The following C1orf141 variants were observed in gnomAD, a reference collection of about 807,000 sequenced individuals.
The protein encoded by C1orf141 is uncharacterized protein C1orf141.
In C1orf141, 19 loss-of-function variants were observed where a neutral mutation model predicts 23.2. The ratio of observed to expected loss-of-function variants is 0.82; its 90% CI spans 0.57 to 1.20. The LOEUF is 1.20. C1orf141 is among the 50% of genes most tolerant of loss of function. C1orf141 has a pLI of 0.00. For missense variants in C1orf141, 469 were observed against 455.1 expected (o/e 1.03, Z -0.28); for synonymous variants, 153 against 154.6 (o/e 0.99, Z 0.08).
At chr1:67,139,916 A>G (rs1254810597), upstream of C1orf141, among the ~76,000 whole-genome samples, 1 of 152,180 alleles carries the variant, frequency 6.6e-6, no homozygotes, top group Non-Finnish European at 1.5e-5. Context: ...ATGGGTTAAC[A>G]GATTAATGGA....
chr1:67,134,567 C>T (rs899260425), intron 1 of C1orf141, among the ~76,000 whole-genome samples: 1 of 152,232 alleles, frequency 6.6e-6, no homozygotes, highest in Admixed American at 6.5e-5. Flanking sequence ...CACCTTCCCC[C>T]AGGTGCCTCC....
rs200273637 is a variant in C1orf141 at position 67,129,010 on chromosome 1, C to CT, written c.-17-1754dup. On this transcript the variant is annotated intron_variant, in intron 2 of 7. Coordinates refer to ENST00000684719, the MANE Select transcript of C1orf141 (RefSeq NM_001276351.2). ...TTATTTTGTAATTGGTTTCCTTCAG[C>CT]TTTTTTTTTACTCTTTTTTCCTTCA... 1.3e-4 allele frequency among the ~76,000 whole-genome samples: 19 copies of CT among 151,290 alleles called. No homozygotes were observed. In the East Asian group the frequency reaches 1.9e-3, roughly 15 times the overall value.
upstream of C1orf141, among the ~76,000 whole-genome samples, chr1:67,137,691 G>A (rs768795126): frequency 2.0e-5 from 3 of 152,164 alleles, no homozygotes; most frequent in Non-Finnish European, 4.4e-5. Flanking sequence ...GGCAAATAAA[G>A]CTCTTTCTAT....
At chr1:67,140,022 C>T (rs537604367) in intron 1 of C1orf141, among the ~76,000 whole-genome samples, 1 of 152,272 alleles carries the variant, frequency 6.6e-6, no homozygotes, top group South Asian at 2.1e-4. Flanking sequence ...CCTGTGCCAC[C>T]GTGGGACTCT....
At chr1:67,113,046 C>A (rs982978659) in intron 5 of C1orf141, among the ~76,000 whole-genome samples, 9 of 152,210 alleles carry the variant, frequency 5.9e-5, no homozygotes, top group African/African-American at 2.4e-5. Flanking sequence ...GTGGCACCAT[C>A]TCAGTTCACT....
intron 7 of C1orf141, 144 bp downstream of exon 7, chr1:67,095,091 C>T: frequency 1.8e-6 from 1 of 543,630 alleles, no homozygotes; most frequent in East Asian, 3.1e-5. Flanking sequence ...GCATTAAGAA[C>T]TTAAGTGCTG....
intron 5 of C1orf141, among the ~76,000 whole-genome samples, chr1:67,097,833 C>T (rs559460208): frequency 1.3e-5 from 2 of 152,156 alleles, no homozygotes; most frequent in South Asian, 2.1e-4. Context: ...GGTGGGAAAT[C>T]GTTGGCTTCA....
intron 5 of C1orf141, chr1:67,113,722 G>A: frequency 7.8e-7 from 1 of 1,276,650 alleles, no homozygotes; most frequent in Non-Finnish European, 1.0e-6. Context: ...CGCTGAAGAG[G>A]CTTTAATCAG....
chr1:67,097,883 A>G (rs1645717878), intron 5 of C1orf141, among the ~76,000 whole-genome samples: 1 of 152,164 alleles, frequency 6.6e-6, no homozygotes, highest in Non-Finnish European at 1.5e-5. Context: ...TCCCATTTGC[A>G]GGAATGGGAT....
intron 4 of C1orf141, chr1:67,124,010 G>A (rs1162284746): frequency 2.0e-5 from 3 of 152,146 alleles, no homozygotes; most frequent in African/African-American, 7.2e-5. Context: ...ATTGAATGGG[G>A]TACAGTAGTG....
At chr1:67,125,606 G>T in intron 4 of C1orf141, 146 bp downstream of exon 4, 1 of 774,744 alleles carries the variant, frequency 1.3e-6, no homozygotes, top group Non-Finnish European at 2.3e-6. Context: ...GGCCAAGGTG[G>T]GAGAATCACC....
intron 3 of C1orf141, among the ~76,000 whole-genome samples, chr1:67,126,155 G>C (rs1031939240): frequency 6.6e-6 from 1 of 152,144 alleles, no homozygotes; most frequent in Non-Finnish European, 1.5e-5. Flanking sequence ...GGTAGGACTT[G>C]AGGATTATTA....
At chr1:67,132,061 T>G (rs1031358406) in intron 1 of C1orf141, among the ~76,000 whole-genome samples, 1 of 151,890 alleles carries the variant, frequency 6.6e-6, no homozygotes, top group Non-Finnish European at 1.5e-5. Flanking sequence ...GGGATTACAG[T>G]GCCCAGTCAT....
At chr1:67,127,288 A>G in intron 2 of C1orf141, 31 bp from the exon 3 acceptor site, 1 of 1,255,618 alleles carries the variant, frequency 8.0e-7, no homozygotes. Flanking sequence ...AGAAGAACAA[A>G]TCAATTCAAA....
chr1:67,103,577 TA>T lies in C1orf141; in HGVS notation c.347-7257del, dbSNP rs1230700171. 9.2e-5 allele frequency among the ~76,000 whole-genome samples: 14 copies of T among 152,184 alleles called. 1 individual carries two copies. The highest frequency in any genetic ancestry group is 6.5e-4 in the Admixed American group (10 of 15,274). On this transcript the variant is annotated intron_variant, in intron 5 of 7. Transcript: ENST00000684719. ...CCTACTATGAGATGGGCATTATCAA[TA>T]AAAAAACAAACCTTCACAAGTTAAA...
At chr1:67,111,287 A>T (rs959716254) in intron 5 of C1orf141, among the ~76,000 whole-genome samples, 1 of 152,116 alleles carries the variant, frequency 6.6e-6, no homozygotes, top group South Asian at 2.1e-4. Context: ...TAAGTTTTAC[A>T]TGTATGTTTT....
chr1:67,104,565 T>C (rs889772643), intron 5 of C1orf141, among the ~76,000 whole-genome samples: 2 of 152,156 alleles, frequency 1.3e-5, no homozygotes, highest in Non-Finnish European at 2.9e-5. Context: ...TTCTAATAAC[T>C]ACCTTTAAAA....
rs58157985 is a variant in C1orf141, at chr1:67,109,326, C to CAAAAAAAAAA, written c.346+6016_346+6025dup. On this transcript the variant is annotated intron_variant, in intron 5 of 7. Transcript: ENST00000684719. ...TGGGCGACAGAGCGAGACTCCGTCT[C>CAAAAAAAAAA]AAAAAAAAAAAAAAAAAAAAAAAAA... is the stretch of plus-strand genomic sequence containing the variant. Among the ~76,000 whole-genome samples, 23 of 83,410 alleles carry CAAAAAAAAAA rather than the reference C, an allele frequency of 2.8e-4. 1 individual carries two copies. The highest frequency in any genetic ancestry group is 1.1e-3 in the African/African-American group (23 of 20,304). 54.7% of individuals were successfully genotyped at this position (83,410 alleles called of 152,430 possible).
chr1:67,132,625 G>A (rs1168583598), intron 1 of C1orf141, among the ~76,000 whole-genome samples: 3 of 152,164 alleles, frequency 2.0e-5, no homozygotes, highest in Admixed American at 2.0e-4. Context: ...CTCAGCCTCA[G>A]GCAAAGCGTT....
Sources: allele counts gnomAD v4.1 joint callset (sites outside exome capture counted in the v4.1 genomes callset), GRCh38; gene constraint gnomAD v4.1.1; transcripts MANE v1.5; gene names NCBI Gene and HGNC (gene_info 2026-07-23, HGNC 2026-07-21).